DSG4: variants seen among roughly 807,000 people sequenced by gnomAD.
DSG4 encodes desmoglein 4.
Under a neutral mutation model 93.1 loss-of-function variants are expected in DSG4, and 87 were observed. That is an observed-to-expected ratio of 0.93 (90% CI 0.79 to 1.12). The LOEUF (loss-of-function observed/expected upper bound fraction) is 1.12, where lower values mean the gene tolerates loss of function less well. DSG4 is among the 50% of genes most tolerant of loss of function. DSG4 has a pLI of 0.00. For synonymous variants in DSG4, 432 were observed against 452.9 expected (o/e 0.95, Z 0.59); for missense variants, 1,373 against 1,285.7 (o/e 1.07, Z -1.04).
intron 13 of DSG4, 28 bp downstream of exon 13, chr18:31,409,619 G>A: frequency 6.2e-7 from 1 of 1,614,242 alleles, no homozygotes; most frequent in South Asian, 1.1e-5. Context: ...CTCCAGAGAA[G>A]TGTGGAGTTT....
rs199903416 is a variant in DSG4, at chr18:31,399,474, T to G, written c.1208T>G (p.Leu403Ter). Residue 403 changes from leucine to a stop codon, truncating the protein, a stop_gained, in exon 9 of 16, where the codon TTA becomes TGA. Coordinates refer to ENST00000308128, the MANE Select transcript of DSG4 (RefSeq NM_177986.5). LOFTEE classifies it high-confidence loss of function. ...SVREGIKGSS[L>*]LNYVLGTYTA... is the part of the protein sequence containing the mutation. Reference sequence around the variant, plus strand: ...CGGGAAGGAATAAAAGGAAGTTCCTTATTGAATTATGTGCTTGGCACATAT... The same window carrying G: ...CGGGAAGGAATAAAAGGAAGTTCCTGATTGAATTATGTGCTTGGCACATAT... 1 of 1,614,080 alleles carries G rather than the reference T, an allele frequency of 6.2e-7. No homozygotes were observed. Among genetic ancestry groups the G allele is most frequent in the East Asian group, 2.2e-5 (1 of 44,862 alleles).
chr18:31,414,679 C>T lies in DSG4; in HGVS notation c.*1084C>T, dbSNP rs1598758997. On this transcript the variant is annotated 3_prime_UTR_variant, in exon 16 of 16. Coordinates refer to ENST00000308128, the MANE Select transcript of DSG4 (RefSeq NM_177986.5). ...ACAATAATTAACCAACTACTTAAGT[C>T]CATTACCAAGTTGTGTTTCTCTTTG... is the stretch of plus-strand genomic sequence containing the variant. 6.6e-6 allele frequency: 1 copy of T among 152,248 alleles called. No individual in the cohort carries two copies. Among genetic ancestry groups the T allele is most frequent in the East Asian group, 1.9e-4 (1 of 5,184 alleles). The allele number at this position is 152,248 out of a possible 1,614,324, so 9.4% of individuals were successfully genotyped here.
chr18:31,412,105 A>G (rs772944659), intron 15 of DSG4, among the ~76,000 whole-genome samples: 7 of 152,240 alleles, frequency 4.6e-5, no homozygotes, highest in Non-Finnish European at 8.8e-5. Flanking sequence ...TCACGTAGCC[A>G]ATACATGGAA....
In DSG4 at chr18:31,411,412, C is replaced by CATCA; in HGVS notation, c.2321_2324dup (p.Met776GlnfsTer19). 1 of 1,614,036 alleles carries CATCA rather than the reference C, an allele frequency of 6.2e-7. No individual in the cohort carries two copies. The highest frequency in any genetic ancestry group is 8.5e-7 in the Non-Finnish European group (1 of 1,180,014). On this transcript the variant is annotated frameshift_variant, in exon 15 of 16. Coordinates refer to ENST00000308128, the MANE Select transcript of DSG4 (RefSeq NM_177986.5). LOFTEE classifies it high-confidence loss of function. Reference sequence around the variant, plus strand: ...CCCTGCGGGACTACGCTGACGCAGACATCAACATGGCTTTCTTGGACAGCT... The same window carrying CATCA: ...CCCTGCGGGACTACGCTGACGCAGACATCAATCAACATGGCTTTCTTGGACAGCT...
chr18:31,397,074 A>G (rs1307312321), intron 8 of DSG4, among the ~76,000 whole-genome samples: 2 of 152,140 alleles, frequency 1.3e-5, no homozygotes, highest in East Asian at 1.9e-4. Context: ...TCCCTTTTTC[A>G]TACTTAATTC....
chr18:31,390,858 T>A, intron 6 of DSG4, 36 bp downstream of exon 6: 2 of 1,602,062 alleles, frequency 1.2e-6, no homozygotes, highest in Non-Finnish European at 1.7e-6. Flanking sequence ...AACTAAAAAA[T>A]TCAATTTTGA....
At chr18:31,411,176 A>G in intron 14 of DSG4, 55 bp from the exon 15 acceptor site, 1 of 1,614,232 alleles carries the variant, frequency 6.2e-7, no homozygotes, top group Non-Finnish European at 8.5e-7. Flanking sequence ...CGTTTTAGGC[A>G]GATGCGCGCT....
At position 31,413,624 on chromosome 18, in the gene DSG4, G is replaced by A; in HGVS notation, c.*29G>A. 6 of 1,608,748 alleles carry A rather than the reference G, an allele frequency of 3.7e-6. No homozygotes were observed. Among genetic ancestry groups the A allele is most frequent in the Non-Finnish European group, 5.1e-6 (6 of 1,179,460 alleles). ...CTTTATGGTCAGTATTCTATGTGGA[G>A]ACCTTGCACCTTGTAATCATCAATA... On this transcript the variant is annotated 3_prime_UTR_variant, in exon 16 of 16. Transcript: ENST00000308128.
At chr18:31,395,006 T>A (rs185506579) in intron 8 of DSG4, among the ~76,000 whole-genome samples, 3 of 152,168 alleles carry the variant, frequency 2.0e-5, no homozygotes, top group African/African-American at 7.2e-5. Context: ...CTGATCTAAA[T>A]ATCTTTCTAC....
chr18:31,377,071 A>G, intron 1 of DSG4, 112 bp downstream of exon 1: 1 of 1,162,778 alleles, frequency 8.6e-7, no homozygotes, highest in Non-Finnish European at 1.3e-6. Context: ...CTTCCTGCAA[A>G]GAGAGTTCTA....
chr18:31,394,087 G>A (rs1210109624), intron 8 of DSG4, among the ~76,000 whole-genome samples: 1 of 152,044 alleles, frequency 6.6e-6, no homozygotes, highest in African/African-American at 2.4e-5. Context: ...TAGTTTTATT[G>A]GAATACAACC....
Position 31,388,936 on chromosome 18 carries a change from C to T in DSG4, c.435C>T (p.Val145=), listed in dbSNP as rs1056608617. The change falls in exon 5 of 16, where the codon GTC becomes GTT. Residue 145 remains valine (V), a synonymous_variant. Transcript: ENST00000308128. ...TAGAAAGGCCTCTTGAGCTTAGAGT[C>T]AAAGTTATGGACATAAATGATAACG... ...EDLERPLELR[V]KVMDINDNAP... The T allele has an allele frequency of 2.5e-6, 4 of 1,613,552 alleles. No homozygotes were observed. The highest frequency in any genetic ancestry group is 3.4e-6 in the Non-Finnish European group (4 of 1,179,658).
rs762235781 is a variant in DSG4 at position 31,406,096 on chromosome 18, G to C, written c.1656G>C (p.Thr552=). Residue 552 remains threonine (T), a synonymous_variant, in exon 12 of 16, where the codon ACG becomes ACC. Transcript: ENST00000308128. ...RSTNATSAIL[T]AKQVLSPGFY... is the part of the protein sequence containing the mutation. ...TTTCAGCTACCTCGGCAATCCTTACGGCTAAGCAGGTTTTATCTCCAGGAT... is the reference window on the plus strand; with the variant it reads ...TTTCAGCTACCTCGGCAATCCTTACCGCTAAGCAGGTTTTATCTCCAGGAT... 3.1e-6 allele frequency: 5 copies of C among 1,613,838 alleles called. No homozygotes were observed. Among genetic ancestry groups the C allele is most frequent in the East Asian group, 4.5e-5 (2 of 44,874 alleles).
At chr18:31,409,084 A>G (rs555006088) in intron 12 of DSG4, among the ~76,000 whole-genome samples, 21 of 152,326 alleles carry the variant, frequency 1.4e-4, no homozygotes, top group East Asian at 9.7e-4. Flanking sequence ...CCTGTATTCA[A>G]TCCTCTTGAT....
chr18:31,394,383 GCCTGACCAA>G (rs1568065751), intron 8 of DSG4, among the ~76,000 whole-genome samples: 1 of 152,144 alleles, frequency 6.6e-6, no homozygotes, highest in Non-Finnish European at 1.5e-5. Flanking sequence ...TTTGAGACCA[GCCTGACCAA>G]CATGGAGAAA....
At chr18:31,380,447 G>A (rs9945486) in intron 1 of DSG4, among the ~76,000 whole-genome samples, 1,588 of 152,278 alleles carry the variant, frequency 0.01, 32 homozygotes, top group East Asian at 0.055. Context: ...CCTCACTCAT[G>A]GAAAGCAGCT....
intron 10 of DSG4, among the ~76,000 whole-genome samples, chr18:31,402,735 G>T (rs767308647): frequency 5.9e-5 from 9 of 152,188 alleles, no homozygotes; most frequent in Non-Finnish European, 1.2e-4. Context: ...CGCTGTAACA[G>T]AACATAGAGT....
In DSG4 at chr18:31,400,918, A is replaced by C. The variant is rs2072357950; in HGVS notation, c.1315A>C (p.Ile439Leu). 6.2e-7 allele frequency: 1 copy of C among 1,612,740 alleles called. No individual in the cohort carries two copies. Among genetic ancestry groups the C allele is most frequent in the Non-Finnish European group, 8.5e-7 (1 of 1,179,166 alleles). The change falls in exon 10 of 16, where the codon ATT becomes CTT. Residue 439 changes from isoleucine (I) to leucine (L), a missense_variant. By Grantham distance (5) the Ile-to-Leu change is conservative. Transcript: ENST00000308128. ...GCATGATGCAGGCAGCTGGTTAAAA[A>C]TTGATTCAAGAACTGGTGAGATACA... The part of the protein sequence containing the change: ...IGHDAGSWLK[I>L]DSRTGEIQFS...
At chr18:31,388,572 TTTTCAAAAAA>T in intron 4 of DSG4, 50 bp downstream of exon 4, 3 of 1,606,380 alleles carry the variant, frequency 1.9e-6, no homozygotes, top group Non-Finnish European at 2.6e-6. Context: ...TTTCTTCCCT[TTTTCAAAAAA>T]TATTATCTTA....
Sources: gnomAD v4.1 joint callset for allele counts (sites outside exome capture counted in the v4.1 genomes callset) on GRCh38, gnomAD v4.1.1 for gene constraint, MANE v1.5 for transcripts, NCBI Gene and HGNC (gene_info 2026-07-23, HGNC 2026-07-21) for gene names.